The following NOB1 variants were observed in gnomAD, a reference collection of about 807,000 sequenced individuals.
NOB1 encodes NIN1 (RPN12) binding protein 1 homolog, also known as RNA-binding protein NOB1.
NOB1 carries 44 observed loss-of-function variants against 44.8 expected under a neutral mutation model. That is an observed-to-expected ratio of 0.98 (90% CI 0.77 to 1.26). The LOEUF (loss-of-function observed/expected upper bound fraction) is 1.26, where lower values mean the gene tolerates loss of function less well. Among genes scored for constraint, NOB1 ranks in the 50% most tolerant of loss-of-function variants. The probability of loss-of-function intolerance (pLI) is 0.00; values close to 1 mark genes in which losing one functional copy is unlikely to be tolerated. For missense variants in NOB1, 560 were observed against 544.8 expected (o/e 1.03, Z -0.28); for synonymous variants, 238 against 218.7 (o/e 1.09, Z -0.78).
At position 69,742,426 on chromosome 16, in the gene NOB1, G is replaced by A. The variant is rs756486064; in HGVS notation, c.1145C>T (p.Ser382Leu). 2 of 1,614,254 alleles carry A rather than the reference G, an allele frequency of 1.2e-6. No individual in the cohort carries two copies. The highest frequency in any genetic ancestry group is 2.2e-5 in the South Asian group (2 of 91,090). ...PFVENDISSR[S>L]ATLQVRDSTL... The stretch of plus-strand genomic sequence containing the variant: ...GCTGTCCCGGACCTGCAGGGTAGCT[G>A]AGCGGCTGGAGATGTCATTCTCGAC... The change falls in exon 9 of 9, where the codon TCA (serine) becomes TTA (leucine). Residue 382 changes from serine (S) to leucine (L), a missense_variant. Transcript: ENST00000268802.
rs758552010 is a variant in NOB1, at chr16:69,748,975, C to T, written c.669G>A (p.Gln223=). Residue 223 remains glutamine (Q), a synonymous_variant, in exon 6 of 9, where the codon CAG becomes CAA. Coordinates refer to ENST00000268802, the MANE Select transcript of NOB1 (RefSeq NM_014062.3). ...CCCGCACGTCCTCGGGGACGTCACA[C>T]TGCTCCAGCTCCTGCTGGATCTGCT... ...NIKQIQQELE[Q]CDVPEDVRVG... The T allele has an allele frequency of 1.1e-5, 18 of 1,614,024 alleles. No homozygotes were observed. The Admixed American group carries it at 2.7e-4, about 24-fold the overall frequency.
rs369395496 is a variant in NOB1, at chr16:69,742,319, G to C, written c.*13C>G. On this transcript the variant is annotated 3_prime_UTR_variant, in exon 9 of 9. Coordinates refer to ENST00000268802, the MANE Select transcript of NOB1 (RefSeq NM_014062.3). ...CCAGACGCCCATCCAATTTGCCTGC[G>C]GGAACTCGCTCTTCACCTTTTCTTC... is the stretch of plus-strand genomic sequence containing the variant. 21 of 1,604,356 alleles carry C rather than the reference G, an allele frequency of 1.3e-5. No homozygotes were observed. The highest frequency in any genetic ancestry group is 1.8e-5 in the Non-Finnish European group (21 of 1,172,530).
chr16:69,743,915 A>C (rs974267086), intron 8 of NOB1, among the ~76,000 whole-genome samples: 4 of 152,354 alleles, frequency 2.6e-5, no homozygotes, highest in African/African-American at 7.2e-5. Flanking sequence ...GTTTCAAGGC[A>C]AAAGGGCATT....
In NOB1 at chr16:69,749,206, G is replaced by C; in HGVS notation, c.525+7C>G. Reference sequence around the variant, plus strand: ...TGTCGTCAGAAGACCAAAAGTCAAGGCCTCACCAGCAGCTCCTGCAGTTCA... The same window carrying C: ...TGTCGTCAGAAGACCAAAAGTCAAGCCCTCACCAGCAGCTCCTGCAGTTCA... On this transcript the variant is annotated splice_region_variant and intron_variant, in intron 5 of 8. Transcript: ENST00000268802. 6.2e-7 allele frequency: 1 copy of C among 1,612,916 alleles called. No homozygotes were observed. Among genetic ancestry groups the C allele is most frequent in the Non-Finnish European group, 8.5e-7 (1 of 1,179,406 alleles).
chr16:69,748,672 G>GAA, intron 6 of NOB1: 13 of 516,598 alleles, frequency 2.5e-5, no homozygotes, highest in South Asian at 6.4e-5. Context: ...TATATATACT[G>GAA]AAAAAAAAAT....
chr16:69,754,751 G>A, intron 1 of NOB1, 25 bp from the exon 2 acceptor site: 2 of 1,613,774 alleles, frequency 1.2e-6, no homozygotes, highest in Non-Finnish European at 1.7e-6. Context: ...CCCCAGCTCA[G>A]ACCCACCCGC....
chr16:69,754,734 C>A lies in NOB1; in HGVS notation c.64-8G>T. On this transcript the variant is annotated splice_region_variant and splice_polypyrimidine_tract_variant and intron_variant, in intron 1 of 8. Coordinates refer to ENST00000268802, the MANE Select transcript of NOB1 (RefSeq NM_014062.3). ...AATGTTCTTCCCGATGTCCTGCGGACAGAACGCCCCAGCTCAGACCCACCC... is the reference window on the plus strand; with the variant it reads ...AATGTTCTTCCCGATGTCCTGCGGAAAGAACGCCCCAGCTCAGACCCACCC... The A allele has an allele frequency of 1.9e-6, 3 of 1,614,080 alleles. No individual in the cohort carries two copies. The highest frequency in any genetic ancestry group is 2.5e-6 in the Non-Finnish European group (3 of 1,180,022).
At chr16:69,753,648 G>A (rs531218742) in intron 2 of NOB1, among the ~76,000 whole-genome samples, 2 of 152,184 alleles carry the variant, frequency 1.3e-5, no homozygotes, top group Admixed American at 1.3e-4. Flanking sequence ...GGAGAAAATC[G>A]TAGAAATCAC....
At chr16:69,749,685 T>G (rs1488305628) in intron 3 of NOB1, 55 bp from the exon 4 acceptor site, 4 of 999,856 alleles carry the variant, frequency 4.0e-6, no homozygotes, top group Non-Finnish European at 5.6e-6. Flanking sequence ...AGATATCCAG[T>G]TTTTTTTTTT....
At chr16:69,751,392 C>T (rs1374204672) in intron 3 of NOB1, among the ~76,000 whole-genome samples, 1 of 151,936 alleles carries the variant, frequency 6.6e-6, no homozygotes, top group African/African-American at 2.4e-5. Flanking sequence ...TTAAACCTTT[C>T]CCAAAAACCT....
At chr16:69,749,168 G>A (rs764382794) in intron 5 of NOB1, 45 bp downstream of exon 5, 1 of 1,613,490 alleles carries the variant, frequency 6.2e-7, no homozygotes, top group Non-Finnish European at 8.5e-7. Flanking sequence ...GAGCAGTGGA[G>A]GAGAAGTTGA....
chr16:69,754,313 G>A (rs546926201), intron 2 of NOB1, among the ~76,000 whole-genome samples: 4 of 152,320 alleles, frequency 2.6e-5, no homozygotes, highest in Admixed American at 6.5e-5. Context: ...ATATTCCTCA[G>A]TTCATGCTCA....
intron 7 of NOB1, among the ~76,000 whole-genome samples, chr16:69,746,312 G>A (rs2038430627): frequency 6.6e-6 from 1 of 152,230 alleles, no homozygotes; most frequent in African/African-American, 2.4e-5. Flanking sequence ...CCCAGCCTGA[G>A]CCTGCAGAAT....
At position 69,749,594 on chromosome 16, in the gene NOB1, G is replaced by A. The variant is rs1431730457; in HGVS notation, c.364C>T (p.Pro122Ser). ...AGATGGAAACCAGAAATGTGCAGAG[G>A]TGTTTCTGGGTGCTGAATCGATGAG... ...VSSSIQHPET[P>S]LHISGFHLPY... Residue 122 changes from proline (P) to serine (S), a missense_variant, in exon 4 of 9, where the codon CCT (proline) becomes TCT (serine). Transcript: ENST00000268802. 1.2e-6 allele frequency: 2 copies of A among 1,613,502 alleles called. No homozygotes were observed. The highest frequency in any genetic ancestry group is 1.7e-5 in the Admixed American group (1 of 59,776).
chr16:69,742,556 G>C lies in NOB1; in HGVS notation c.1015C>G (p.His339Asp), dbSNP rs562027876. The C allele has an allele frequency of 4.3e-6, 7 of 1,614,140 alleles. No homozygotes were observed. The highest frequency in any genetic ancestry group is 5.9e-6 in the Non-Finnish European group (7 of 1,180,014). The stretch of plus-strand genomic sequence containing the variant: ...GGGAAGCGCTGATCCTCGGTGAGAT[G>C]GGGGTTGATGGCGTATTTGCCCCCT... Reference protein sequence around the residue: ...PKGGKYAINPHLTEDQRFPQL... With the variant: ...PKGGKYAINPDLTEDQRFPQL... Residue 339 changes from histidine to aspartate, a missense_variant, in exon 9 of 9, where the codon CAT becomes GAT. His to Asp is a moderately conservative substitution (Grantham distance 81, BLOSUM62 -1). Coordinates refer to ENST00000268802, the MANE Select transcript of NOB1 (RefSeq NM_014062.3).
chr16:69,750,959 T>C (rs1325206779), intron 3 of NOB1, among the ~76,000 whole-genome samples: 1 of 152,198 alleles, frequency 6.6e-6, no homozygotes, highest in Non-Finnish European at 1.5e-5. Flanking sequence ...CAGGCACAAA[T>C]GTATCAGTCT....
chr16:69,752,415 A>G (rs756282451), intron 2 of NOB1, 44 bp from the exon 3 acceptor site: 3 of 1,593,818 alleles, frequency 1.9e-6, no homozygotes, highest in South Asian at 2.2e-5. Context: ...GTAAAAAGCC[A>G]TATGACCTTG....
chr16:69,749,708 T>C, intron 3 of NOB1, 78 bp from the exon 4 acceptor site: 2 of 1,080,466 alleles, frequency 1.9e-6, no homozygotes, highest in South Asian at 2.9e-5. Context: ...CCGGGCACGA[T>C]GGCTCATGCC....
At chr16:69,749,185 G>T in intron 5 of NOB1, 28 bp downstream of exon 5, 1 of 1,612,960 alleles carries the variant, frequency 6.2e-7, no homozygotes, top group Non-Finnish European at 8.5e-7. Context: ...TTGAGCTGTC[G>T]TCAGAAGACC....
Sources: gnomAD v4.1 joint callset for allele counts (sites outside exome capture counted in the v4.1 genomes callset) on GRCh38, gnomAD v4.1.1 for gene constraint, MANE v1.5 for transcripts, NCBI Gene and HGNC (gene_info 2026-07-23, HGNC 2026-07-21) for gene names.